DLG2: variants seen among roughly 807,000 people sequenced by gnomAD.
DLG2 encodes discs large MAGUK scaffold protein 2, also known as disks large homolog 2.
Under a neutral mutation model 132.5 loss-of-function variants are expected in DLG2, and 45 were observed. The ratio of observed to expected loss-of-function variants is 0.34; its 90% CI spans 0.27 to 0.44. The LOEUF is 0.44. Ranked by LOEUF, DLG2 falls within the 20% of genes least tolerant of loss-of-function variation. DLG2 has a pLI of 1.00. For missense variants in DLG2, 1,045 were observed against 1,196.9 expected, an observed-to-expected ratio of 0.87 and a Z score of 1.87; for synonymous variants, 424 against 419.6, an observed-to-expected ratio of 1.01 and a Z score of -0.13.
intron 8 of DLG2, among the ~76,000 whole-genome samples, chr11:84,248,313 G>A (rs1338652825): frequency 6.6e-6 from 1 of 151,270 alleles, no homozygotes; most frequent in African/African-American, 2.4e-5. Context: ...TACCTCATAA[G>A]TGTTTATTTT....
intron 6 of DLG2, among the ~76,000 whole-genome samples, chr11:84,699,475 T>C (rs2058976800): frequency 1.3e-5 from 2 of 151,534 alleles, no homozygotes; most frequent in African/African-American, 4.8e-5. Flanking sequence ...AAGAGCATTC[T>C]GTCACCAAAA....
At chr11:85,375,038 T>C (rs1001316247) in intron 3 of DLG2, among the ~76,000 whole-genome samples, 2 of 152,138 alleles carry the variant, frequency 1.3e-5, no homozygotes, top group Non-Finnish European at 2.9e-5. Flanking sequence ...GTCTTCTTTT[T>C]ACTTCTTTAT....
intron 7 of DLG2, among the ~76,000 whole-genome samples, chr11:84,511,057 A>G (rs980964721): frequency 2.6e-5 from 4 of 152,130 alleles, no homozygotes; most frequent in Non-Finnish European, 5.9e-5. Flanking sequence ...AGGAGAAAAT[A>G]TATCTGTTCC....
chr11:84,515,507 G>A (rs987747405), intron 7 of DLG2, among the ~76,000 whole-genome samples: 7 of 151,822 alleles, frequency 4.6e-5, no homozygotes, highest in Non-Finnish European at 1.0e-4. Flanking sequence ...ATTATATAAT[G>A]ATAAGGGGTT....
At chr11:85,274,816 T>A (rs1353920897) in intron 4 of DLG2, among the ~76,000 whole-genome samples, 1 of 152,182 alleles carries the variant, frequency 6.6e-6, no homozygotes, top group African/African-American at 2.4e-5. Context: ...CCAGAAAGGT[T>A]CTTGTACCAT....
At chr11:84,890,407 G>C (rs941736547) in intron 6 of DLG2, among the ~76,000 whole-genome samples, 1 of 152,072 alleles carries the variant, frequency 6.6e-6, no homozygotes, top group East Asian at 1.9e-4. Context: ...ACACTGATTA[G>C]TCATATTCTT....
chr11:83,499,118 T>C (rs10751093), intron 21 of DLG2, among the ~76,000 whole-genome samples: 54,881 of 151,906 alleles, frequency 0.36, 9,964 homozygotes, highest in Middle Eastern at 0.46. Flanking sequence ...GTGAATTCTA[T>C]TAAACACCAT....
At chr11:84,136,988 GA>G in intron 9 of DLG2, among the ~76,000 whole-genome samples, 1 of 151,988 alleles carries the variant, frequency 6.6e-6, no homozygotes, top group Non-Finnish European at 1.5e-5. Context: ...AGGCACAGCA[GA>G]AAAAAAACAC....
chr11:83,887,146 T>C (rs1250710370), intron 15 of DLG2, among the ~76,000 whole-genome samples: 1 of 151,902 alleles, frequency 6.6e-6, no homozygotes, highest in Non-Finnish European at 1.5e-5. Flanking sequence ...TTCAAAAAAT[T>C]AATGAATCCA....
chr11:85,076,188 G>T (rs1309068030), intron 6 of DLG2, among the ~76,000 whole-genome samples: 1 of 151,928 alleles, frequency 6.6e-6, no homozygotes. Context: ...AAGCTTATCA[G>T]TCTTGCAAGA....
intron 15 of DLG2, among the ~76,000 whole-genome samples, chr11:83,879,900 C>A (rs2065733832): frequency 6.6e-6 from 1 of 152,022 alleles, no homozygotes; most frequent in Non-Finnish European, 1.5e-5. Flanking sequence ...TTCAATAAAT[C>A]CCCAGGCATA....
At chr11:85,021,149 C>A (rs1473335259) in intron 6 of DLG2, 1 of 831,842 alleles carries the variant, frequency 1.2e-6, no homozygotes, top group Non-Finnish European at 2.1e-6. Context: ...TTAGAAGATC[C>A]CCGCTGCCCA....
At chr11:83,896,391 C>G (rs1239889927) in intron 15 of DLG2, among the ~76,000 whole-genome samples, 2 of 152,174 alleles carry the variant, frequency 1.3e-5, no homozygotes, top group Non-Finnish European at 2.9e-5. Context: ...TGAAAGCCAT[C>G]AACGCAGCTG....
intron 7 of DLG2, chr11:84,273,113 A>G (rs1264563162): frequency 6.9e-7 from 1 of 1,456,668 alleles, no homozygotes. Context: ...AGAATAAATA[A>G]AAGAATCCCT....
At chr11:84,262,463 A>G (rs1392006966) in intron 7 of DLG2, among the ~76,000 whole-genome samples, 2 of 152,194 alleles carry the variant, frequency 1.3e-5, no homozygotes, top group African/African-American at 4.8e-5. Context: ...ACCCAAAACT[A>G]GACATTTATT....
chr11:84,706,574 A>C (rs905820771), intron 6 of DLG2, among the ~76,000 whole-genome samples: 1 of 151,820 alleles, frequency 6.6e-6, no homozygotes, highest in Non-Finnish European at 1.5e-5. Flanking sequence ...CAGGTCCTGA[A>C]CATTAACACG....
intron 3 of DLG2, among the ~76,000 whole-genome samples, chr11:85,316,360 GTTA>G (rs1453948137): frequency 1.3e-5 from 2 of 151,946 alleles, no homozygotes. Flanking sequence ...CTGATGTTTA[GTTA>G]TTTGAGCATG....
chr11:84,138,250 G>C (rs575095742), intron 9 of DLG2, among the ~76,000 whole-genome samples: 6 of 152,136 alleles, frequency 3.9e-5, no homozygotes, highest in Non-Finnish European at 8.8e-5. Context: ...TAATACAATG[G>C]ATGGATTTAA....
At chr11:84,904,723 C>A (rs1376525118) in intron 6 of DLG2, among the ~76,000 whole-genome samples, 1 of 152,084 alleles carries the variant, frequency 6.6e-6, no homozygotes, top group Non-Finnish European at 1.5e-5. Context: ...GTCTAATACA[C>A]ACAAAAAAGG....
Sources: allele counts gnomAD v4.1 joint callset (sites outside exome capture counted in the v4.1 genomes callset), GRCh38; gene constraint gnomAD v4.1.1; transcripts MANE v1.5; gene names NCBI Gene and HGNC (gene_info 2026-07-23, HGNC 2026-07-21).